Variants in EPG5 observed in about 807,000 individuals in gnomAD.
EPG5 encodes ectopic P-granules 5 autophagy tethering factor.
A neutral mutation model predicts 302.7 loss-of-function variants in EPG5; 159 were observed. That is an observed-to-expected ratio of 0.53 (90% CI 0.46 to 0.60). The LOEUF (loss-of-function observed/expected upper bound fraction) is 0.60, where lower values mean the gene tolerates loss of function less well. Among genes scored for constraint, EPG5 ranks in the 20% least tolerant of loss-of-function variants. The pLI, the probability that EPG5 is intolerant of heterozygous loss-of-function variation, is 0.00. For synonymous variants in EPG5, 1,158 were observed against 1,136.8 expected (o/e 1.02, Z -0.37); for missense variants, 2,896 against 3,092.4 (o/e 0.94, Z 1.51).
intron 31 of EPG5, among the ~76,000 whole-genome samples, chr18:45,880,498 G>A (rs1309683285): frequency 6.6e-6 from 1 of 152,136 alleles, no homozygotes. Flanking sequence ...TGGGAGACCT[G>A]ACCCTCCGAC....
intron 10 of EPG5, among the ~76,000 whole-genome samples, chr18:45,935,610 G>GCTACTAAGGCGCACACAGGC (rs60557015): frequency 3.5e-5 from 4 of 114,284 alleles, no homozygotes; most frequent in African/African-American, 1.2e-4. Flanking sequence ...GCGCACACAG[G>GCTACTAAGGCGCACACAGGC]TACTAAGGCA....
Position 45,882,494 on chromosome 18 carries a change from A to AC in EPG5, c.5305-8_5305-7insG. The AC allele has an allele frequency of 6.3e-7, 1 of 1,598,626 alleles. No individual in the cohort carries two copies. The highest frequency in any genetic ancestry group is 1.1e-5 in the South Asian group (1 of 88,364). ...ACCATTGTTTAAGATCGAACTAAAA[A>AC]GAAAAAGAAACAAAAAGCCGTTTTA... On this transcript the variant is annotated splice_region_variant and splice_polypyrimidine_tract_variant and intron_variant, in intron 30 of 43. Transcript: ENST00000282041.
Position 45,899,552 on chromosome 18 carries a change from C to A in EPG5, c.4661G>T (p.Arg1554Leu), listed in dbSNP as rs900212390. ...LQQQARTAAL[R>L]ESQQVALDGE... ...ATCCAGAGCAACCTGCTGAGATTCC[C>A]GAAGAGCTGCGGTTCTGAAAAACAT... The change falls in exon 27 of 44, where the codon CGG becomes CTG. Residue 1554 changes from arginine (R) to leucine (L), a missense_variant. Coordinates refer to ENST00000282041, the MANE Select transcript of EPG5 (RefSeq NM_020964.3). 1 of 1,613,978 alleles carries A rather than the reference C, an allele frequency of 6.2e-7. No homozygotes were observed. The highest frequency in any genetic ancestry group is 2.2e-5 in the East Asian group (1 of 44,882).
At chr18:45,868,116 C>T (rs1304842848) in intron 36 of EPG5, 1 of 460,052 alleles carries the variant, frequency 2.2e-6, no homozygotes, top group South Asian at 1.5e-5. Context: ...TTGAAATTTA[C>T]TAGTCAGTAG....
chr18:45,837,171 C>T, the EPG5 span: 4,578 of 1,573,942 alleles, frequency 2.9e-3, 15 homozygotes, highest in Non-Finnish European at 3.5e-3. Flanking sequence ...TTCCACAGGG[C>T]AGGTTTTGAT....
chr18:45,833,448 G>A, the EPG5 span, among the ~76,000 whole-genome samples: 1 of 152,018 alleles, frequency 6.6e-6, no homozygotes, highest in Non-Finnish European at 1.5e-5. Flanking sequence ...CCTGCATAGG[G>A]ATTACAGGGG....
Position 45,852,781 on chromosome 18 carries a change from G to A in EPG5, c.7558-132C>T, listed in dbSNP as rs146977012. ...TGGGAAGGAGGCCTACAGAACTGAG[G>A]CCAGGAGTCCGGAAGGCAGGCATTG... On this transcript the variant is annotated intron_variant, in intron 43 of 43. Coordinates refer to ENST00000282041, the MANE Select transcript of EPG5 (RefSeq NM_020964.3). The A allele has an allele frequency of 1.1e-3, 831 of 775,914 alleles. 9 individuals are homozygous for A. In the African/African-American group the frequency reaches 0.013, roughly 12 times the overall value. The allele number at this position is 775,914 out of a possible 1,614,324, so 48.1% of individuals were successfully genotyped here.
intron 9 of EPG5, among the ~76,000 whole-genome samples, chr18:45,940,856 G>C (rs2050650402): frequency 6.6e-6 from 1 of 152,198 alleles, no homozygotes; most frequent in South Asian, 2.1e-4. Context: ...TGAGAAACTA[G>C]AATAGAGTTG....
chr18:45,823,354 T>C, the EPG5 span, among the ~76,000 whole-genome samples: 1 of 152,148 alleles, frequency 6.6e-6, no homozygotes, highest in African/African-American at 2.4e-5. Flanking sequence ...ACAGCCACAG[T>C]GTGGAGGTAG....
the EPG5 span, among the ~76,000 whole-genome samples, chr18:45,801,500 C>A: frequency 1.3e-5 from 2 of 152,044 alleles, no homozygotes; most frequent in Admixed American, 6.5e-5. Flanking sequence ...AACAGGAAAC[C>A]AGCAGGAAAA....
chr18:45,902,854 G>A (rs1016905978), intron 25 of EPG5, among the ~76,000 whole-genome samples: 1 of 152,192 alleles, frequency 6.6e-6, no homozygotes, highest in African/African-American at 2.4e-5. Flanking sequence ...ATGCAGGCAG[G>A]TCACCTAACA....
chr18:45,933,895 T>C (rs1018516450), intron 11 of EPG5, among the ~76,000 whole-genome samples: 13 of 152,084 alleles, frequency 8.5e-5, no homozygotes, highest in Non-Finnish European at 1.2e-4. Context: ...TTTCAGTAAA[T>C]TGTCTATCTT....
chr18:45,904,316 G>T (rs2049696830), intron 24 of EPG5, among the ~76,000 whole-genome samples, 199 bp from the exon 25 acceptor site: 1 of 152,030 alleles, frequency 6.6e-6, no homozygotes, highest in South Asian at 2.1e-4. Flanking sequence ...TTTTGATTGT[G>T]TATCATGATT....
At chr18:45,802,467 C>A in the EPG5 span, among the ~76,000 whole-genome samples, 1 of 152,138 alleles carries the variant, frequency 6.6e-6, no homozygotes, top group Non-Finnish European at 1.5e-5. Flanking sequence ...TTGCAGTGAG[C>A]TGAGACCACA....
In EPG5 at chr18:45,917,806, A is replaced by G. The variant is rs1253839839; in HGVS notation, c.3112T>C (p.Cys1038Arg). Residue 1038 changes from cysteine (C) to arginine (R), a missense_variant, in exon 17 of 44, where the codon TGT (cysteine) becomes CGT (arginine). Physicochemically the swap from Cys to Arg is radical, Grantham distance 180 (BLOSUM62 -3). Coordinates refer to ENST00000282041, the MANE Select transcript of EPG5 (RefSeq NM_020964.3). The part of the protein sequence containing the change: ...TAVGHSIEKF[C>R]AEGIPLLGIL... ...CCCAATAGTGGGATGCCTTCTGCAC[A>G]GAACTTCTCAATGCTATGGAAAAAG... The G allele has an allele frequency of 9.9e-6, 16 of 1,614,146 alleles. No individual in the cohort carries two copies. In the African/African-American group the frequency reaches 1.9e-4, roughly 19 times the overall value.
the EPG5 span, among the ~76,000 whole-genome samples, chr18:45,822,240 C>T: frequency 1.3e-5 from 2 of 152,056 alleles, no homozygotes; most frequent in Admixed American, 6.6e-5. Context: ...TCCTGTCATT[C>T]GTGGCAACAT....
intron 27 of EPG5, among the ~76,000 whole-genome samples, chr18:45,891,587 G>T (rs898774416): frequency 3.3e-5 from 5 of 150,780 alleles, no homozygotes; most frequent in Non-Finnish European, 7.4e-5. Flanking sequence ...GCATAACTCT[G>T]ACAATACACT....
intron 27 of EPG5, among the ~76,000 whole-genome samples, chr18:45,892,669 A>T (rs1175918666): frequency 1.3e-5 from 2 of 152,208 alleles, no homozygotes; most frequent in Non-Finnish European, 2.9e-5. Context: ...AGAGCCTTCT[A>T]CTGGGAAGAG....
the EPG5 span, among the ~76,000 whole-genome samples, chr18:45,828,273 T>A: frequency 2.6e-5 from 4 of 152,272 alleles, no homozygotes; most frequent in East Asian, 7.7e-4. Flanking sequence ...GAAGCATTTG[T>A]CCCAGAAAGG....
Sources: gnomAD v4.1 joint callset for allele counts (sites outside exome capture counted in the v4.1 genomes callset) on GRCh38, gnomAD v4.1.1 for gene constraint, MANE v1.5 for transcripts, NCBI Gene and HGNC (gene_info 2026-07-23, HGNC 2026-07-21) for gene names.